Variants in CDH13 observed in about 807,000 individuals in gnomAD.
CDH13 encodes the protein cadherin 13.
CDH13 carries 24 observed loss-of-function variants against 63.8 expected under a neutral mutation model. That is an observed-to-expected ratio of 0.38 (90% CI 0.27 to 0.53). The LOEUF (loss-of-function observed/expected upper bound fraction) is 0.53, where lower values mean the gene tolerates loss of function less well. CDH13 is among the 20% of genes least tolerant of loss of function. The pLI is 0.85. For synonymous variants in CDH13, 503 were observed against 355.3 expected (o/e 1.42, Z -4.67); for missense variants, 1,049 against 903.1 (o/e 1.16, Z -2.07).
intron 2 of CDH13, among the ~76,000 whole-genome samples, chr16:82,983,692 G>T (rs1169876443): frequency 1.3e-5 from 2 of 152,130 alleles, no homozygotes; most frequent in African/African-American, 4.8e-5. Context: ...ACAGTTCAGG[G>T]GTGTGTGTAT....
chr16:83,205,153 G>T (rs1489611058), intron 4 of CDH13, among the ~76,000 whole-genome samples: 5 of 152,184 alleles, frequency 3.3e-5, no homozygotes, highest in Non-Finnish European at 1.5e-5. Context: ...GAGATTCCAG[G>T]AGCCACCTTG....
At chr16:83,306,578 T>G (rs2089885070) in intron 5 of CDH13, among the ~76,000 whole-genome samples, 1 of 152,202 alleles carries the variant, frequency 6.6e-6, no homozygotes, top group Non-Finnish European at 1.5e-5. Flanking sequence ...GCCGAATCCT[T>G]GAACTTCTCA....
intron 3 of CDH13, among the ~76,000 whole-genome samples, chr16:83,115,866 A>G (rs2035269415): frequency 6.6e-6 from 1 of 152,238 alleles, no homozygotes; most frequent in Non-Finnish European, 1.5e-5. Flanking sequence ...GCCAGGGTCC[A>G]GGAGGGCAGA....
chr16:83,116,176 G>A (rs1351061794), intron 3 of CDH13, among the ~76,000 whole-genome samples: 2 of 152,184 alleles, frequency 1.3e-5, no homozygotes, highest in African/African-American at 2.4e-5. Context: ...GCACTTCTTC[G>A]CTTTTGGGAC....
chr16:82,701,116 A>G (rs1337739321), intron 1 of CDH13, among the ~76,000 whole-genome samples: 1 of 151,640 alleles, frequency 6.6e-6, no homozygotes, highest in East Asian at 1.9e-4. Flanking sequence ...CATCCCCTCA[A>G]TGTCCAAAGT....
intron 7 of CDH13, among the ~76,000 whole-genome samples, chr16:83,587,750 A>T (rs968629687): frequency 6.6e-6 from 1 of 152,200 alleles, no homozygotes. Context: ...TTTATTACCC[A>T]TACAGAGAAT....
intron 6 of CDH13, among the ~76,000 whole-genome samples, chr16:83,396,970 A>G (rs2091896122): frequency 6.6e-6 from 1 of 152,170 alleles, no homozygotes; most frequent in Non-Finnish European, 1.5e-5. Flanking sequence ...TAACTTGCCC[A>G]TGGTTACACA....
chr16:83,210,708 T>C (rs184554919), intron 4 of CDH13, among the ~76,000 whole-genome samples: 3 of 151,942 alleles, frequency 2.0e-5, no homozygotes, highest in Non-Finnish European at 2.9e-5. Context: ...TCAAATTCAT[T>C]TTCTATACAA....
intron 6 of CDH13, among the ~76,000 whole-genome samples, chr16:83,485,041 CTAAT>C (rs887842821): frequency 1.7e-4 from 26 of 152,174 alleles, no homozygotes; most frequent in Non-Finnish European, 3.4e-4. Flanking sequence ...AACATTTTTA[CTAAT>C]TAATATATCT....
intron 2 of CDH13, among the ~76,000 whole-genome samples, chr16:82,950,695 C>A (rs1374857722): frequency 6.6e-6 from 1 of 152,090 alleles, no homozygotes; most frequent in African/African-American, 2.4e-5. Context: ...TGGACTAATA[C>A]AGGATACCAG....
At chr16:83,713,886 C>G (rs1049583606) in intron 10 of CDH13, among the ~76,000 whole-genome samples, 6 of 152,214 alleles carry the variant, frequency 3.9e-5, no homozygotes, top group African/African-American at 1.4e-4. Context: ...CAACATTACT[C>G]TCAAAGAGGC....
chr16:82,940,303 G>A (rs1597255689), intron 2 of CDH13, among the ~76,000 whole-genome samples: 2 of 152,162 alleles, frequency 1.3e-5, no homozygotes, highest in East Asian at 3.9e-4. Context: ...CAGAATCTCA[G>A]TTTTTCCACC....
At chr16:83,410,275 G>A (rs1328440307) in intron 6 of CDH13, among the ~76,000 whole-genome samples, 3 of 152,180 alleles carry the variant, frequency 2.0e-5, no homozygotes, top group South Asian at 2.1e-4. Context: ...TCAAAACCAC[G>A]TTCGCCTTTG....
chr16:83,349,439 C>G (rs1373039445), intron 6 of CDH13, among the ~76,000 whole-genome samples: 1 of 152,074 alleles, frequency 6.6e-6, no homozygotes, highest in Admixed American at 6.5e-5. Context: ...GAATGGCTGA[C>G]CATGAGGAAT....
At chr16:83,684,419 A>G (rs749026919) in intron 10 of CDH13, among the ~76,000 whole-genome samples, 7 of 152,206 alleles carry the variant, frequency 4.6e-5, no homozygotes, top group Non-Finnish European at 7.3e-5. Flanking sequence ...AAATGGAAGT[A>G]ACTACATTTG....
chr16:83,001,006 A>G (rs1275134344), intron 2 of CDH13, among the ~76,000 whole-genome samples: 2 of 152,120 alleles, frequency 1.3e-5, no homozygotes, highest in South Asian at 2.1e-4. Context: ...TGATTTTACT[A>G]CCATTCAGAT....
At chr16:83,671,656 G>A (rs532837182) in intron 9 of CDH13, among the ~76,000 whole-genome samples, 6 of 152,262 alleles carry the variant, frequency 3.9e-5, no homozygotes, top group East Asian at 3.9e-4. Context: ...TGCTCAAAAC[G>A]TGGGCTACGA....
chr16:83,512,258 T>C (rs2074586217), intron 7 of CDH13, among the ~76,000 whole-genome samples: 1 of 150,394 alleles, frequency 6.6e-6, no homozygotes, highest in African/African-American at 2.5e-5. Context: ...GAGGCGAAGC[T>C]TGCAGTGAGC....
intron 1 of CDH13, among the ~76,000 whole-genome samples, chr16:82,782,257 A>C (rs1163445026): frequency 2.0e-5 from 3 of 152,170 alleles, no homozygotes; most frequent in Non-Finnish European, 4.4e-5. Flanking sequence ...GAATGGAAGA[A>C]AGGAGAAAAG....
Sources: allele counts gnomAD v4.1 joint callset (sites outside exome capture counted in the v4.1 genomes callset), GRCh38; gene constraint gnomAD v4.1.1; transcripts MANE v1.5; gene names NCBI Gene and HGNC (gene_info 2026-07-23, HGNC 2026-07-21).